Variants in GART observed in about 807,000 individuals in gnomAD.
The protein encoded by GART is phosphoribosylglycinamide formyltransferase, phosphoribosylglycinamide synthetase, phosphoribosylaminoimidazole synthetase, also known as trifunctional purine biosynthetic protein adenosine-3.
Under a neutral mutation model 107.2 loss-of-function variants are expected in GART, and 43 were observed. The observed-to-expected ratio is 0.40, with a 90% CI of 0.31 to 0.52. The LOEUF (loss-of-function observed/expected upper bound fraction) is 0.52, where lower values mean the gene tolerates loss of function less well. GART is among the 20% of genes least tolerant of loss of function. The probability of loss-of-function intolerance (pLI) is 0.52; values close to 1 mark genes in which losing one functional copy is unlikely to be tolerated. For missense variants in GART, 1,107 were observed against 1,206.5 expected (o/e 0.92, Z 1.22); for synonymous variants, 434 against 427.0 (o/e 1.02, Z -0.20).
At chr21:33,534,489 T>C (rs2085265855) in intron 4 of GART, 90 bp downstream of exon 4, 2 of 1,403,198 alleles carry the variant, frequency 1.4e-6, no homozygotes, top group Non-Finnish European at 2.0e-6. Flanking sequence ...AGTGCTGGGA[T>C]TACAGGTGAG....
At chr21:33,523,967 CAAAAAAAAAAA>C (rs747171882) in intron 11 of GART, 5 of 601,548 alleles carry the variant, frequency 8.3e-6, no homozygotes, top group African/African-American at 8.0e-5. Context: ...AATTCTGTCT[CAAAAAAAAAAA>C]AAAAAAAAAA....
chr21:33,527,693 G>C (rs1441361414), intron 10 of GART, among the ~76,000 whole-genome samples: 1 of 152,100 alleles, frequency 6.6e-6, no homozygotes, highest in Non-Finnish European at 1.5e-5. Flanking sequence ...AAAAGAGAAG[G>C]ATAAACTTTG....
rs749546919 is a variant in GART at position 33,506,078 on chromosome 21, T to C, written c.2479A>G (p.Ser827Gly). The C allele has an allele frequency of 3.1e-6, 5 of 1,614,048 alleles. No homozygotes were observed. The South Asian group carries it at 4.4e-5, about 14-fold the overall frequency. Residue 827 changes from serine to glycine, a missense_variant, in exon 19 of 22, where the codon AGT becomes GGT. By Grantham distance (56) the Ser-to-Gly change is moderately conservative. Coordinates refer to ENST00000381815, the MANE Select transcript of GART (RefSeq NM_000819.5). The part of the protein sequence containing the change: ...TGSNLQALID[S>G]TREPNSSAQI... The stretch of plus-strand genomic sequence containing the variant: ...GCAGAGCTATTTGGTTCCCGAGTAC[T>C]GTCTATAAGTGCTTGCAGGTTCGAT...
chr21:33,510,082 C>T (rs2084757773), intron 17 of GART, 162 bp from the exon 18 acceptor site: 2 of 631,386 alleles, frequency 3.2e-6, no homozygotes, highest in Non-Finnish European at 5.3e-6. Flanking sequence ...CTTAACACTA[C>T]TCTTTCATAA....
chr21:33,527,159 C>T (rs1212298953), intron 10 of GART, among the ~76,000 whole-genome samples: 2 of 152,118 alleles, frequency 1.3e-5, no homozygotes, highest in Non-Finnish European at 2.9e-5. Flanking sequence ...AGCTGCCATG[C>T]GTGGGATTCA....
intron 18 of GART, among the ~76,000 whole-genome samples, chr21:33,508,790 C>T (rs529227416): frequency 2.0e-5 from 3 of 152,258 alleles, no homozygotes; most frequent in Non-Finnish European, 2.9e-5. Context: ...GCTAGGATTA[C>T]AGGCGTGAGC....
chr21:33,528,752 G>C, intron 8 of GART, 98 bp downstream of exon 8: 1 of 913,022 alleles, frequency 1.1e-6, no homozygotes, highest in Non-Finnish European at 1.6e-6. Flanking sequence ...CCATTAAAAA[G>C]TGGTAAAAAA....
Position 33,530,846 on chromosome 21 carries a change from C to G in GART, c.636G>C (p.Met212Ile). ...CFTDGKTVAPMPPAQDHKRLL... is the reference protein window; with the variant it reads ...CFTDGKTVAPIPPAQDHKRLL... The stretch of plus-strand genomic sequence containing the variant: ...ATCGCTTATGGTCCTGTGCTGGGGG[C>G]ATGGGGGCCACAGTCTTGCCATCAG... The change falls in exon 7 of 22, where the codon ATG becomes ATC. Residue 212 changes from methionine to isoleucine, a missense_variant. Physicochemically the swap from Met to Ile is conservative, Grantham distance 10. Transcript: ENST00000381815. The G allele has an allele frequency of 1.3e-6, 2 of 1,531,140 alleles. No homozygotes were observed. Among genetic ancestry groups the G allele is most frequent in the East Asian group, 2.6e-5 (1 of 38,326 alleles). The allele number at this position is 1,531,140 out of a possible 1,614,324, so 94.8% of individuals were successfully genotyped here. A position where few individuals can be genotyped will look rare whatever the true frequency, so the allele number is the denominator to read the frequency against.
At chr21:33,535,964 G>T (rs528754826) in intron 2 of GART, among the ~76,000 whole-genome samples, 2 of 152,044 alleles carry the variant, frequency 1.3e-5, no homozygotes, top group East Asian at 3.9e-4. Context: ...GGAGGCGGAG[G>T]TTGCAGTGAG....
At chr21:33,504,864 C>T (rs968123126) in intron 20 of GART, among the ~76,000 whole-genome samples, 1 of 152,172 alleles carries the variant, frequency 6.6e-6, no homozygotes, top group Non-Finnish European at 1.5e-5. Context: ...CATCTATGTG[C>T]TTGACTTCTA....
chr21:33,507,307 AC>A (rs2084699329), intron 18 of GART, among the ~76,000 whole-genome samples: 1 of 152,206 alleles, frequency 6.6e-6, no homozygotes, highest in Non-Finnish European at 1.5e-5. Flanking sequence ...AGAAAGACAA[AC>A]CTCACATGTT....
chr21:33,534,776 T>G, intron 3 of GART, 23 bp from the exon 4 acceptor site: 3 of 1,534,486 alleles, frequency 2.0e-6, no homozygotes, highest in East Asian at 2.3e-5. Flanking sequence ...ACAGTAGCCT[T>G]AGGTGAACCA....
chr21:33,518,774 G>T, intron 14 of GART: 1 of 478,638 alleles, frequency 2.1e-6, no homozygotes, highest in Non-Finnish European at 4.1e-6. Flanking sequence ...TCCATCCACA[G>T]ACTATTTGGG....
At chr21:33,534,159 C>T (rs1051112461) in intron 4 of GART, among the ~76,000 whole-genome samples, 1 of 152,280 alleles carries the variant, frequency 6.6e-6, no homozygotes, top group East Asian at 1.9e-4. Context: ...CTTACTACAT[C>T]TTGAGACAGC....
At chr21:33,520,266 C>T (rs1279743074) in intron 14 of GART, 98 bp downstream of exon 14, 2 of 977,994 alleles carry the variant, frequency 2.0e-6, no homozygotes. Flanking sequence ...GATATACAGT[C>T]TCTCTTGCTA....
intron 1 of GART, among the ~76,000 whole-genome samples, chr21:33,541,189 G>C (rs1181074734): frequency 4.6e-5 from 7 of 152,194 alleles, no homozygotes; most frequent in Admixed American, 4.6e-4. Flanking sequence ...CTGTCGCCCA[G>C]GCTGGAGGGC....
rs2084641538 is a variant in GART at position 33,504,290 on chromosome 21, A to G, written c.2867T>C (p.Ile956Thr). 8.7e-6 allele frequency: 14 copies of G among 1,614,194 alleles called. No individual in the cohort carries two copies. The highest frequency in any genetic ancestry group is 1.1e-5 in the Non-Finnish European group (13 of 1,180,034). Residue 956 changes from isoleucine to threonine, a missense_variant, in exon 22 of 22, where the codon ATT (isoleucine) becomes ACT (threonine). By Grantham distance (89) the Ile-to-Thr change is moderately conservative. Transcript: ENST00000381815. ...CTTCACGGGAACAGCTTCTTGCAAA[A>G]TAATCTGTCCAGCATCCACATCTTC... is the stretch of plus-strand genomic sequence containing the variant. The part of the protein sequence containing the change: ...VAEDVDAGQI[I>T]LQEAVPVKRG...
chr21:33,542,882 T>A (rs1254008406), upstream of GART: 1 of 599,714 alleles, frequency 1.7e-6, no homozygotes, highest in South Asian at 2.0e-5. Flanking sequence ...GGCGCAAACG[T>A]CAGCACCTCT....
intron 7 of GART, among the ~76,000 whole-genome samples, chr21:33,530,483 C>G (rs1488389990): frequency 3.3e-5 from 5 of 152,128 alleles, no homozygotes; most frequent in Non-Finnish European, 2.9e-5. Flanking sequence ...CGACAGGCTC[C>G]CATGTGTTAA....
Sources: allele counts gnomAD v4.1 joint callset (sites outside exome capture counted in the v4.1 genomes callset), GRCh38; gene constraint gnomAD v4.1.1; transcripts MANE v1.5; gene names NCBI Gene and HGNC (gene_info 2026-07-23, HGNC 2026-07-21).